Variants in STIM1 observed in about 807,000 individuals in gnomAD.
STIM1 encodes the protein stromal interaction molecule 1.
In STIM1, 25 loss-of-function variants were observed where a neutral mutation model predicts 74.7. The ratio of observed to expected loss-of-function variants is 0.33; its 90% CI spans 0.24 to 0.47. The LOEUF is 0.47. Ranked by LOEUF, STIM1 falls within the 20% of genes least tolerant of loss-of-function variation. The probability of loss-of-function intolerance (pLI) is 1.00; values close to 1 mark genes in which losing one functional copy is unlikely to be tolerated. For synonymous variants in STIM1, 328 were observed against 348.8 expected (o/e 0.94, Z 0.66); for missense variants, 728 against 920.8 (o/e 0.79, Z 2.71).
At chr11:3,874,333 A>G (rs928326355) in intron 1 of STIM1, among the ~76,000 whole-genome samples, 2 of 152,214 alleles carry the variant, frequency 1.3e-5, no homozygotes, top group Non-Finnish European at 2.9e-5. Context: ...TCTTCTAACC[A>G]GAAAAAGGGA....
intron 1 of STIM1, among the ~76,000 whole-genome samples, chr11:3,930,016 C>T (rs1784259810): frequency 6.6e-6 from 1 of 152,164 alleles, no homozygotes. Flanking sequence ...ATCTGCCCAT[C>T]CCCTTTTAGG....
At chr11:3,885,015 C>T (rs2091652501) in intron 1 of STIM1, among the ~76,000 whole-genome samples, 1 of 151,928 alleles carries the variant, frequency 6.6e-6, no homozygotes, top group African/African-American at 2.4e-5. Flanking sequence ...TGAGAAGTTA[C>T]TTCTAATGGA....
chr11:4,052,374 C>T (rs1025206705), intron 3 of STIM1, among the ~76,000 whole-genome samples: 19 of 152,140 alleles, frequency 1.2e-4, no homozygotes, highest in East Asian at 1.9e-4. Context: ...AGCATGGTAC[C>T]GGTACCAAAA....
intron 2 of STIM1, among the ~76,000 whole-genome samples, chr11:3,992,932 T>C (rs2093629295): frequency 6.6e-6 from 1 of 152,194 alleles, no homozygotes; most frequent in African/African-American, 2.4e-5. Flanking sequence ...TCCTGTGGGT[T>C]CTCCTTTTAA....
chr11:3,935,116 C>T (rs750876276), intron 1 of STIM1, among the ~76,000 whole-genome samples: 8 of 152,232 alleles, frequency 5.3e-5, no homozygotes, highest in Non-Finnish European at 1.2e-4. Context: ...AAAATCAATT[C>T]ATCTTTTAAA....
intron 2 of STIM1, chr11:3,974,365 T>C (rs972368819): frequency 1.1e-5 from 2 of 188,908 alleles, no homozygotes; most frequent in Non-Finnish European, 2.2e-5. Flanking sequence ...TGAGACTCAG[T>C]AGGCATGTTA....
At chr11:3,983,583 A>G (rs1369045969) in intron 2 of STIM1, among the ~76,000 whole-genome samples, 1 of 152,170 alleles carries the variant, frequency 6.6e-6, no homozygotes, top group Admixed American at 6.5e-5. Context: ...CTTGACCCCT[A>G]CTATGTGACA....
At chr11:3,886,594 A>C (rs2091714357) in intron 1 of STIM1, among the ~76,000 whole-genome samples, 1 of 148,918 alleles carries the variant, frequency 6.7e-6, no homozygotes, top group Non-Finnish European at 1.5e-5. Context: ...AGGCTGAGGC[A>C]GGAGAATGGC....
intron 1 of STIM1, among the ~76,000 whole-genome samples, chr11:3,859,818 C>A (rs538939017): frequency 2.1e-4 from 32 of 152,320 alleles, no homozygotes; most frequent in South Asian, 8.3e-4. Context: ...GAAGCTAATA[C>A]TGGGGCCTGG....
At chr11:3,888,701 C>T (rs1300773906) in intron 1 of STIM1, among the ~76,000 whole-genome samples, 1 of 152,042 alleles carries the variant, frequency 6.6e-6, no homozygotes, top group African/African-American at 2.4e-5. Flanking sequence ...CAGGTGTGCA[C>T]CACCATACCC....
chr11:3,857,425 T>C (rs1460572992), intron 1 of STIM1, among the ~76,000 whole-genome samples: 1 of 151,850 alleles, frequency 6.6e-6, no homozygotes, highest in Non-Finnish European at 1.5e-5. Flanking sequence ...TAACTTTTTT[T>C]TTCTTTCTAT....
At chr11:4,020,630 C>T (rs2093946808) in intron 2 of STIM1, among the ~76,000 whole-genome samples, 1 of 151,852 alleles carries the variant, frequency 6.6e-6, no homozygotes, top group Admixed American at 6.6e-5. Context: ...GCTCTGTCAC[C>T]CAGGCTGGAG....
intron 2 of STIM1, among the ~76,000 whole-genome samples, chr11:3,969,108 T>C (rs544054168): frequency 6.6e-6 from 1 of 152,326 alleles, no homozygotes; most frequent in Non-Finnish European, 1.5e-5. Flanking sequence ...AATTGACTAA[T>C]AGTGAGAGCT....
At position 3,859,872 on chromosome 11, in the gene STIM1, C is replaced by T. The variant is rs185360716; in HGVS notation, c.139+3463C>T. ...CCTGGGGTAGCCAGGATATAATCTG[C>T]TCCCAGGCCTCAGCTTTGACAATCA... On this transcript the variant is annotated intron_variant, in intron 1 of 12. Coordinates refer to ENST00000526596, the MANE Select transcript of STIM1 (RefSeq NM_001382567.1). Among the ~76,000 whole-genome samples, 1,164 of 152,360 alleles carry T rather than the reference C, an allele frequency of 7.6e-3. 19 individuals are homozygous for T. Among genetic ancestry groups the T allele is most frequent in the South Asian group, 0.029 (141 of 4,828 alleles).
At chr11:3,968,830 C>A (rs1409352280) in intron 2 of STIM1, among the ~76,000 whole-genome samples, 2 of 152,190 alleles carry the variant, frequency 1.3e-5, no homozygotes, top group Non-Finnish European at 2.9e-5. Flanking sequence ...TGATTGAACT[C>A]TTACCTTATG....
intron 2 of STIM1, among the ~76,000 whole-genome samples, chr11:3,984,334 T>G (rs1171203024): frequency 6.6e-6 from 1 of 152,222 alleles, no homozygotes; most frequent in Non-Finnish European, 1.5e-5. Context: ...GTCATCATCT[T>G]GTCTCCTACT....
chr11:3,938,157 C>T (rs556463631), intron 1 of STIM1, among the ~76,000 whole-genome samples: 3 of 152,154 alleles, frequency 2.0e-5, no homozygotes, highest in South Asian at 2.1e-4. Flanking sequence ...AGGCTGGTCT[C>T]GAACTACTGA....
intron 2 of STIM1, among the ~76,000 whole-genome samples, chr11:4,013,696 T>TTC (rs1214662708): frequency 1.9e-5 from 1 of 53,748 alleles, no homozygotes; most frequent in African/African-American, 5.5e-5. Context: ...ATTTCTTTTT[T>TTC]TTTTTTTTTT....
chr11:3,929,595 T>A (rs1455783033), intron 1 of STIM1, among the ~76,000 whole-genome samples: 9 of 152,184 alleles, frequency 5.9e-5, no homozygotes, highest in Non-Finnish European at 1.0e-4. Flanking sequence ...TGTGAGCAAG[T>A]TCATCAAGAT....
Sources: gnomAD v4.1 joint callset for allele counts (sites outside exome capture counted in the v4.1 genomes callset) on GRCh38, gnomAD v4.1.1 for gene constraint, MANE v1.5 for transcripts, NCBI Gene and HGNC (gene_info 2026-07-23, HGNC 2026-07-21) for gene names.